PYHIN1: variants seen among roughly 807,000 people sequenced by gnomAD.
PYHIN1 encodes the protein pyrin and HIN domain family member 1.
A neutral mutation model predicts 43.7 loss-of-function variants in PYHIN1; 32 were observed. The observed-to-expected ratio is 0.73, with a 90% CI of 0.55 to 0.98. The LOEUF (loss-of-function observed/expected upper bound fraction) is 0.98, where lower values mean the gene tolerates loss of function less well. Ranked by LOEUF, PYHIN1 falls within the 50% of genes least tolerant of loss-of-function variation. The pLI is 0.00. For synonymous variants in PYHIN1, 205 were observed against 203.1 expected (o/e 1.01, Z -0.08); for missense variants, 588 against 589.5 (o/e 1.00, Z 0.03).
At chr1:158,969,974 A>G (rs185545490) in intron 7 of PYHIN1, among the ~76,000 whole-genome samples, 7 of 152,020 alleles carry the variant, frequency 4.6e-5, no homozygotes, top group South Asian at 2.1e-4. Flanking sequence ...CACTCAATCT[A>G]TGATTCACCA....
chr1:158,934,156 A>G (rs1039197117), intron 1 of PYHIN1, among the ~76,000 whole-genome samples: 2 of 152,194 alleles, frequency 1.3e-5, no homozygotes, highest in Admixed American at 1.3e-4. Context: ...AGATTACTTA[A>G]TGCACATTTT....
At chr1:158,987,717 T>C in the PYHIN1 span, among the ~76,000 whole-genome samples, 3 of 152,206 alleles carry the variant, frequency 2.0e-5, no homozygotes, top group African/African-American at 7.2e-5. Context: ...TTTCATATGA[T>C]ATGAAATAAT....
chr1:158,952,190 C>G (rs1649579859), intron 7 of PYHIN1, among the ~76,000 whole-genome samples: 1 of 151,080 alleles, frequency 6.6e-6, no homozygotes, highest in Non-Finnish European at 1.5e-5. Flanking sequence ...TCCTGCCCCT[C>G]CCCAGCAGTC....
At chr1:158,960,960 C>T (rs2101707115) in intron 7 of PYHIN1, among the ~76,000 whole-genome samples, 1 of 152,186 alleles carries the variant, frequency 6.6e-6, no homozygotes, top group South Asian at 2.1e-4. Flanking sequence ...AAAATACTTT[C>T]TATACCAATT....
In PYHIN1 at chr1:158,958,536, C is replaced by T. The variant is rs544052627; in HGVS notation, c.1359+13494C>T. Among the ~76,000 whole-genome samples, 5 of 141,638 alleles carry T rather than the reference C, an allele frequency of 3.5e-5. No individual in the cohort carries two copies. The South Asian group carries it at 1.1e-3, about 32-fold the overall frequency. 92.9% of individuals were successfully genotyped at this position (141,638 alleles called of 152,430 possible). ...AAACCAAACACTGCATATTCTCACTCATAGGTAGGAATTGAACAATGAGAT... is the reference window on the plus strand; with the variant it reads ...AAACCAAACACTGCATATTCTCACTTATAGGTAGGAATTGAACAATGAGAT... On this transcript the variant is annotated intron_variant, in intron 7 of 8. Transcript: ENST00000368140.
chr1:158,957,647 A>C (rs1650028043), intron 7 of PYHIN1, among the ~76,000 whole-genome samples: 1 of 142,548 alleles, frequency 7.0e-6, no homozygotes, highest in Non-Finnish European at 1.5e-5. Context: ...AAAACCATAA[A>C]AACCCTAGAA....
chr1:158,955,076 A>C (rs1557835282), intron 7 of PYHIN1, among the ~76,000 whole-genome samples: 1 of 151,998 alleles, frequency 6.6e-6, no homozygotes, highest in Admixed American at 6.5e-5. Flanking sequence ...TATGCACCCA[A>C]TACAGGAGCA....
chr1:158,951,635 G>T (rs75913869), intron 7 of PYHIN1, among the ~76,000 whole-genome samples: 16,916 of 152,190 alleles, frequency 0.11, 1,092 homozygotes, highest in Non-Finnish European at 0.12. Context: ...AGGTGTGTGG[G>T]GAGTGAACTA....
chr1:158,950,539 C>A (rs1436161963), intron 7 of PYHIN1, among the ~76,000 whole-genome samples: 4 of 152,172 alleles, frequency 2.6e-5, no homozygotes, highest in Non-Finnish European at 5.9e-5. Context: ...CTCTTCCCCA[C>A]GTTAATAATT....
the PYHIN1 span, among the ~76,000 whole-genome samples, chr1:158,985,673 A>G: frequency 7.2e-5 from 11 of 152,094 alleles, no homozygotes; most frequent in African/African-American, 1.7e-4. Context: ...GGTACTCTGA[A>G]TTTCCTGAAT....
downstream of PYHIN1, among the ~76,000 whole-genome samples, chr1:158,979,523 A>G (rs558837848): frequency 6.6e-6 from 1 of 152,328 alleles, no homozygotes; most frequent in South Asian, 2.1e-4. Context: ...TTAAGAAAGA[A>G]TAACATTCCA....
chr1:158,988,832 T>A, the PYHIN1 span, among the ~76,000 whole-genome samples: 1 of 152,330 alleles, frequency 6.6e-6, no homozygotes, highest in East Asian at 1.9e-4. Flanking sequence ...CTTATTCTAT[T>A]CACATTGCAG....
chr1:158,939,362 A>G, intron 4 of PYHIN1, 115 bp downstream of exon 4: 2 of 1,605,150 alleles, frequency 1.2e-6, no homozygotes, highest in Non-Finnish European at 1.7e-6. Context: ...TCAAATGTAT[A>G]GACTGAGAAT....
chr1:158,979,982 G>A (rs1409737373), downstream of PYHIN1, among the ~76,000 whole-genome samples: 1 of 152,088 alleles, frequency 6.6e-6, no homozygotes, highest in Non-Finnish European at 1.5e-5. Context: ...AGAACAAGTG[G>A]TATTTGGTTT....
chr1:158,964,445 A>G (rs952710972), intron 7 of PYHIN1, among the ~76,000 whole-genome samples: 12 of 152,172 alleles, frequency 7.9e-5, no homozygotes, highest in Non-Finnish European at 1.3e-4. Flanking sequence ...CAAGGTCGAA[A>G]TGAATTTAAA....
At chr1:158,952,294 C>T (rs1019007683) in intron 7 of PYHIN1, among the ~76,000 whole-genome samples, 9 of 151,912 alleles carry the variant, frequency 5.9e-5, no homozygotes, top group Non-Finnish European at 8.8e-5. Context: ...TGAGCTTCCC[C>T]GCTGCCGAGC....
chr1:158,943,908 T>C lies in PYHIN1; in HGVS notation c.1121T>C (p.Leu374Pro). The change falls in exon 6 of 9, where the codon CTC (leucine) becomes CCC (proline). Residue 374 changes from leucine to proline, a missense_variant. By Grantham distance (98) the Leu-to-Pro change is moderately conservative. Transcript: ENST00000368140. ...IPCEKGDKLR[L>P]FCFRLRKREN... ...TGTGAAAAAGGAGATAAGCTTCGAC[T>C]CTTCTGCTTTCGACTGAGAAAGAGG... The C allele has an allele frequency of 6.2e-7, 1 of 1,608,614 alleles. No homozygotes were observed. The highest frequency in any genetic ancestry group is 8.5e-7 in the Non-Finnish European group (1 of 1,176,164).
chr1:158,971,861 G>A (rs1045366870), intron 7 of PYHIN1, among the ~76,000 whole-genome samples: 4 of 151,860 alleles, frequency 2.6e-5, no homozygotes, highest in South Asian at 2.1e-4. Context: ...TCAATAAAAC[G>A]AAGGCCAAAA....
At chr1:158,968,400 T>C (rs531343533) in intron 7 of PYHIN1, among the ~76,000 whole-genome samples, 2 of 152,072 alleles carry the variant, frequency 1.3e-5, no homozygotes, top group Non-Finnish European at 2.9e-5. Context: ...TGAGGTAACA[T>C]CTCACACCAA....
Sources: allele counts gnomAD v4.1 joint callset (sites outside exome capture counted in the v4.1 genomes callset), GRCh38; gene constraint gnomAD v4.1.1; transcripts MANE v1.5; gene names NCBI Gene and HGNC (gene_info 2026-07-23, HGNC 2026-07-21).